The following CCDC154 variants were observed in gnomAD, a reference collection of about 807,000 sequenced individuals.
The protein encoded by CCDC154 is coiled-coil domain containing 154, also known as coiled-coil domain-containing protein 154.
A neutral mutation model predicts 87.5 loss-of-function variants in CCDC154; 91 were observed. That is an observed-to-expected ratio of 1.04 (90% CI 0.88 to 1.24). The LOEUF (loss-of-function observed/expected upper bound fraction) is 1.24, where lower values mean the gene tolerates loss of function less well. Among genes scored for constraint, CCDC154 ranks in the 50% most tolerant of loss-of-function variants. CCDC154 has a pLI of 0.00. For synonymous variants in CCDC154, 418 were observed against 400.4 expected, an observed-to-expected ratio of 1.04 and a Z score of -0.52; for missense variants, 903 against 879.2, an observed-to-expected ratio of 1.03 and a Z score of -0.34.
rs750314480 is a variant in CCDC154, at chr16:1,437,860, C to T, written c.1247G>A (p.Arg416Gln). The T allele has an allele frequency of 2.8e-5, 43 of 1,542,650 alleles. 2 individuals are homozygous for T. The South Asian group carries it at 3.3e-4, about 12-fold the overall frequency. ...CAGCATCTGCTCCTGCAGATCGAGC[C>T]GGCTGCTCAGAGCCGGGAGATGGCC... ...LSGHLPALSSRLDLQEQMLGL... is the reference protein window; with the variant it reads ...LSGHLPALSSQLDLQEQMLGL... Residue 416 changes from arginine (R) to glutamine (Q), a missense_variant, in exon 11 of 17, where the codon CGG becomes CAG. Transcript: ENST00000389176.
At position 1,443,255 on chromosome 16, in the gene CCDC154, G is replaced by GCA; in HGVS notation, c.455+5_455+6insTG. On this transcript the variant is annotated splice_donor_region_variant and intron_variant, in intron 4 of 16. Coordinates refer to ENST00000389176, the MANE Select transcript of CCDC154 (RefSeq NM_001143980.3). Reference sequence around the variant, plus strand: ...GGGCCTGTGCCCCTAGGTGTGTGGGGGGTACCTTTTGTCCAGGGCCTGCAT... The same window carrying GCA: ...GGGCCTGTGCCCCTAGGTGTGTGGGGCAGGTACCTTTTGTCCAGGGCCTGCAT... 3 of 1,548,758 alleles carry GCA rather than the reference G, an allele frequency of 1.9e-6. No individual in the cohort carries two copies. The South Asian group carries it at 3.6e-5, about 18-fold the overall frequency.
Position 1,435,136 on chromosome 16 carries a change from C to T in CCDC154, c.1645G>A (p.Ala549Thr). The change falls in exon 15 of 17, where the codon GCC becomes ACC. Residue 549 changes from alanine to threonine, a missense_variant. Ala to Thr is a moderately conservative substitution (Grantham distance 58). Transcript: ENST00000389176. ...QIMKLENCVQ[A>T]NKTIQNLRFN... The stretch of plus-strand genomic sequence containing the variant: ...CTGAGGTTCTGGATGGTCTTGTTGG[C>T]CTGGACGCAGTTTTCCAGCTTCATT... 6.4e-7 allele frequency: 1 copy of T among 1,550,426 alleles called. No homozygotes were observed. The highest frequency in any genetic ancestry group is 8.7e-7 in the Non-Finnish European group (1 of 1,146,880).
At chr16:1,443,169 C>A in intron 4 of CCDC154, 92 bp downstream of exon 4, 6 of 1,453,826 alleles carry the variant, frequency 4.1e-6, no homozygotes, top group South Asian at 1.2e-5. Context: ...CGACACCCAG[C>A]GGGAGATGTG....
At position 1,439,681 on chromosome 16, in the gene CCDC154, G is replaced by C. The variant is rs192036427; in HGVS notation, c.676-555C>G. Among the ~76,000 whole-genome samples, 11 of 152,304 alleles carry C rather than the reference G, an allele frequency of 7.2e-5. No individual in the cohort carries two copies. The East Asian group carries it at 2.1e-3, about 29-fold the overall frequency. On this transcript the variant is annotated intron_variant, in intron 6 of 16. Transcript: ENST00000389176. ...AAACTTCCCCTCCACCCAAGCCCCT[G>C]CTGGCCTCCTGCCCCCCAGGAGGTC... is the stretch of plus-strand genomic sequence containing the variant.
intron 11 of CCDC154, chr16:1,437,112 A>G (rs551803707): frequency 1.9e-5 from 8 of 419,172 alleles, no homozygotes; most frequent in African/African-American, 1.6e-4. Context: ...GGTGTCGCCC[A>G]CGTTTGCAGC....
At position 1,434,812 on chromosome 16, in the gene CCDC154, C is replaced by A; in HGVS notation, c.1733G>T (p.Arg578Leu). Residue 578 changes from arginine (R) to leucine (L), a missense_variant, in exon 16 of 17, where the codon CGG (arginine) becomes CTG (leucine). Transcript: ENST00000389176. ...EMATLWESVL[R>L]LWSEEGPRTP... ...CCGCGGGCCCTCCTCACTCCACAGC[C>A]GGAGCACACTCTCCCACAGGGTGGC... is the stretch of plus-strand genomic sequence containing the variant. 1 of 1,534,856 alleles carries A rather than the reference C, an allele frequency of 6.5e-7. No homozygotes were observed. Among genetic ancestry groups the A allele is most frequent in the Non-Finnish European group, 8.7e-7 (1 of 1,143,762 alleles).
intron 10 of CCDC154, 36 bp downstream of exon 10, chr16:1,438,013 GA>G: frequency 6.5e-7 from 1 of 1,539,328 alleles, no homozygotes. Context: ...GTGTGCGTGG[GA>G]GACCCCGTTG....
Position 1,443,329 on chromosome 16 carries a change from C to T in CCDC154, c.415-28G>A, listed in dbSNP as rs1320116318. 3.2e-6 allele frequency: 5 copies of T among 1,543,440 alleles called. No individual in the cohort carries two copies. In the South Asian group the frequency reaches 6.0e-5, roughly 18 times the overall value. On this transcript the variant is annotated intron_variant, in intron 3 of 16. Coordinates refer to ENST00000389176, the MANE Select transcript of CCDC154 (RefSeq NM_001143980.3). The stretch of plus-strand genomic sequence containing the variant: ...GCGAGGAGGAAGAGGAGGCTGTGGG[C>T]TGGACCTAGGCCCGGGTCTGGCACC...
In CCDC154 at chr16:1,436,680, G is replaced by T; in HGVS notation, c.1410+12C>A. The T allele has an allele frequency of 6.5e-7, 1 of 1,549,844 alleles. No individual in the cohort carries two copies. The highest frequency in any genetic ancestry group is 8.7e-7 in the Non-Finnish European group (1 of 1,146,878). On this transcript the variant is annotated intron_variant, in intron 12 of 16. Transcript: ENST00000389176. The stretch of plus-strand genomic sequence containing the variant: ...GCCCAAGTACACCAAGGCTGGCTGT[G>T]CCTTCGCCCACCTGCTGGGGGAGGC...
rs1031019687 is a variant in CCDC154, at chr16:1,439,108, C to G, written c.694G>C (p.Gly232Arg). The G allele has an allele frequency of 6.5e-7, 1 of 1,550,008 alleles. No homozygotes were observed. The highest frequency in any genetic ancestry group is 8.7e-7 in the Non-Finnish European group (1 of 1,146,874). Residue 232 changes from glycine to arginine, a missense_variant, in exon 7 of 17, where the codon GGC becomes CGC. Gly to Arg is a moderately radical substitution (Grantham distance 125). Transcript: ENST00000389176. ...AGGAAGCGCAGGCTCACCTCTTCGC[C>G]GAGCTTGGTCACCTGGGCCTGGGGC... ...ARMQAQVTKL[G>R]EEVSLRFLKR...
rs1422757247 is a variant in CCDC154 at position 1,438,676 on chromosome 16, A to C, written c.968T>G (p.Phe323Cys). ...LDAAVAQLTK[F>C]VQQNQASLNR... is the part of the protein sequence containing the mutation. ...CAGCGACGCCTGGTTCTGCTGCACA[A>C]ACTTGGTCAGCTGGGCCACGGCAGC... Residue 323 changes from phenylalanine to cysteine, a missense_variant, in exon 9 of 17, where the codon TTT (phenylalanine) becomes TGT (cysteine). By Grantham distance (205) the Phe-to-Cys change is radical. Transcript: ENST00000389176. 14 of 1,549,910 alleles carry C rather than the reference A, an allele frequency of 9.0e-6. No individual in the cohort carries two copies. The highest frequency in any genetic ancestry group is 1.1e-5 in the Non-Finnish European group (13 of 1,146,770).
At chr16:1,435,279 AG>A in intron 14 of CCDC154, 104 bp from the exon 15 acceptor site, 1 of 978,204 alleles carries the variant, frequency 1.0e-6, no homozygotes, top group East Asian at 2.6e-5. Flanking sequence ...CAGCTTGGGC[AG>A]GGGCCACCTG....
rs993926255 is a variant in CCDC154, at chr16:1,443,565, T to C, written c.355A>G (p.Arg119Gly). Residue 119 changes from arginine (R) to glycine (G), a missense_variant, in exon 3 of 17, where the codon AGG (arginine) becomes GGG (glycine). Arg to Gly is a moderately radical substitution (Grantham distance 125). Coordinates refer to ENST00000389176, the MANE Select transcript of CCDC154 (RefSeq NM_001143980.3). ...ARVQLQGSEL[R>G]QLQQEARPAA... ...GGCCGCGCCTCCTGCTGCAACTGCC[T>C]CAGCTCTGAGCCCTGCAGCTGCACG... 26 of 1,483,288 alleles carry C rather than the reference T, an allele frequency of 1.8e-5. No individual in the cohort carries two copies. In the African/African-American group the frequency reaches 3.5e-4, roughly 20 times the overall value. The allele number at this position is 1,483,288 out of a possible 1,614,324, so 91.9% of individuals were successfully genotyped here.
At position 1,436,294 on chromosome 16, in the gene CCDC154, C is replaced by A. The variant is rs1241594834; in HGVS notation, c.1487+151G>T. 6.0e-6 allele frequency: 5 copies of A among 839,124 alleles called. No individual in the cohort carries two copies. In the Admixed American group the frequency reaches 1.3e-4, roughly 21 times the overall value. 52.0% of individuals were successfully genotyped at this position (839,124 alleles called of 1,614,324 possible). ...CGCCTCAGAGGCTGCACCAGGGTGG[C>A]AGGGTGAGCCCGGTGCTGGGCCAGG... On this transcript the variant is annotated intron_variant, in intron 13 of 16. Transcript: ENST00000389176.
chr16:1,444,096 G>A, intron 1 of CCDC154, 84 bp from the exon 2 acceptor site: 2 of 1,135,224 alleles, frequency 1.8e-6, no homozygotes, highest in East Asian at 5.8e-5. Flanking sequence ...AACCCCCGCA[G>A]GACCCTCGCC....
At chr16:1,437,567 G>T in intron 11 of CCDC154, 2 of 469,564 alleles carry the variant, frequency 4.3e-6, no homozygotes, top group South Asian at 4.2e-5. Flanking sequence ...TGGCCGGGCC[G>T]TGGGCCGAGG....
chr16:1,435,038 T>A, intron 15 of CCDC154, 51 bp downstream of exon 15: 1 of 1,518,268 alleles, frequency 6.6e-7, no homozygotes, highest in Non-Finnish European at 8.9e-7. Flanking sequence ...GCGGCAGGGC[T>A]GAGGGAGCGG....
intron 15 of CCDC154, 78 bp from the exon 16 acceptor site, chr16:1,434,930 C>T: frequency 6.9e-7 from 1 of 1,440,394 alleles, no homozygotes; most frequent in Non-Finnish European, 9.2e-7. Flanking sequence ...TTATCTCCCA[C>T]CGGGAGCCTG....
rs563482823 is a variant in CCDC154, at chr16:1,443,480, G to C, written c.414+26C>G. On this transcript the variant is annotated intron_variant, in intron 3 of 16. Transcript: ENST00000389176. ...CCAACACCCAGGAAAGGGGCAGCTCGACCTGTGGGTGGGGGAGCCGCTCAC... is the reference window on the plus strand; with the variant it reads ...CCAACACCCAGGAAAGGGGCAGCTCCACCTGTGGGTGGGGGAGCCGCTCAC... 5.9e-4 allele frequency: 859 copies of C among 1,444,680 alleles called. 3 individuals carry two copies. Among genetic ancestry groups the C allele is most frequent in the Middle Eastern group, 3.7e-3 (15 of 4,014 alleles). The allele number at this position is 1,444,680 out of a possible 1,614,324, so 89.5% of individuals were successfully genotyped here.
Sources: gnomAD v4.1 joint callset for allele counts (sites outside exome capture counted in the v4.1 genomes callset) on GRCh38, gnomAD v4.1.1 for gene constraint, MANE v1.5 for transcripts, NCBI Gene and HGNC (gene_info 2026-07-23, HGNC 2026-07-21) for gene names.